Variants in SRPK2 observed in about 807,000 individuals in gnomAD.
SRPK2 encodes the protein SFRS protein kinase 2.
In SRPK2, 21 loss-of-function variants were observed where a neutral mutation model predicts 90.8. The ratio of observed to expected loss-of-function variants is 0.23; its 90% CI spans 0.16 to 0.33. The LOEUF (loss-of-function observed/expected upper bound fraction) is 0.33. SRPK2 is among the 10% of genes least tolerant of loss of function. SRPK2 has a pLI of 1.00. For synonymous variants in SRPK2, 288 were observed against 311.1 expected, an observed-to-expected ratio of 0.93 and a Z score of 0.78; for missense variants, 620 against 869.0, an observed-to-expected ratio of 0.71 and a Z score of 3.60.
At position 105,335,972 on chromosome 7, in the gene SRPK2, T is replaced by C. The variant is rs1248742842; in HGVS notation, c.71+52676A>G. Among the ~76,000 whole-genome samples the C allele has an allele frequency of 2.6e-5, 4 of 151,794 alleles. No homozygotes were observed. In the East Asian group the frequency reaches 7.7e-4, roughly 29 times the overall value. ...ACTCCATCTAAAAAAAAAAAAACTT[T>C]GCTTATCGTATAAAAATAAAATATA... On this transcript the variant is annotated intron_variant, in intron 2 of 15. Transcript: ENST00000393651.
intron 2 of SRPK2, among the ~76,000 whole-genome samples, chr7:105,342,665 C>T (rs1407339156): frequency 2.6e-5 from 4 of 152,134 alleles, no homozygotes; most frequent in Non-Finnish European, 5.9e-5. Flanking sequence ...CCACCTTGTT[C>T]TCGCTCTCCT....
At chr7:105,166,000 C>T (rs939968557) in intron 6 of SRPK2, among the ~76,000 whole-genome samples, 1 of 152,120 alleles carries the variant, frequency 6.6e-6, no homozygotes, top group African/African-American at 2.4e-5. Flanking sequence ...GCAAGGTCCG[C>T]AGCTTCATTC....
intron 2 of SRPK2, among the ~76,000 whole-genome samples, chr7:105,294,801 C>T (rs6974780): frequency 0.43 from 66,013 of 151,972 alleles, 15,677 homozygotes; most frequent in South Asian, 0.53. Context: ...GCTGGAATTA[C>T]AGGTGTGAGC....
chr7:105,390,048 T>C (rs1020768045), upstream of SRPK2, among the ~76,000 whole-genome samples: 1 of 152,232 alleles, frequency 6.6e-6, no homozygotes, highest in Admixed American at 6.6e-5. Context: ...CACCAATTTT[T>C]AACATTCTGC....
chr7:105,205,058 T>C (rs1162677885), intron 2 of SRPK2, among the ~76,000 whole-genome samples: 3 of 152,196 alleles, frequency 2.0e-5, no homozygotes, highest in East Asian at 1.9e-4. Context: ...AGCTCATCTG[T>C]AGCTGCCACT....
chr7:105,165,401 T>C (rs1039752894), intron 6 of SRPK2, among the ~76,000 whole-genome samples: 1 of 152,206 alleles, frequency 6.6e-6, no homozygotes, highest in African/African-American at 2.4e-5. Flanking sequence ...CAGCTGGACT[T>C]CCTGGGTCGA....
Position 105,194,763 on chromosome 7 carries a change from A to G in SRPK2, c.229+8865T>C, listed in dbSNP as rs79313474. 3.1e-3 allele frequency among the ~76,000 whole-genome samples: 467 copies of G among 152,324 alleles called. 14 individuals carry two copies. The East Asian group carries it at 0.062, about 20-fold the overall frequency. On this transcript the variant is annotated intron_variant, in intron 3 of 15. Coordinates refer to ENST00000393651, the MANE Select transcript of SRPK2 (RefSeq NM_182692.3). ...CCTGGAAGAGAAGCACAAAGCTGGAAGACTGACACTACCCATTCAAGGCAT... is the reference window on the plus strand; with the variant it reads ...CCTGGAAGAGAAGCACAAAGCTGGAGGACTGACACTACCCATTCAAGGCAT...
chr7:105,196,047 C>T (rs934117031), intron 3 of SRPK2, among the ~76,000 whole-genome samples: 4 of 152,230 alleles, frequency 2.6e-5, no homozygotes, highest in Non-Finnish European at 5.9e-5. Context: ...ACCATGAACT[C>T]ACCTGTCATG....
At chr7:105,140,669 A>C (rs1203303422) in intron 11 of SRPK2, among the ~76,000 whole-genome samples, 1 of 152,124 alleles carries the variant, frequency 6.6e-6, no homozygotes, top group East Asian at 1.9e-4. Flanking sequence ...ATTACTTTCT[A>C]TATGAAACTT....
upstream of SRPK2, among the ~76,000 whole-genome samples, chr7:105,390,066 G>A (rs552564479): frequency 6.6e-6 from 1 of 152,280 alleles, no homozygotes; most frequent in South Asian, 2.1e-4. Flanking sequence ...TGCCACATTT[G>A]CTATCTATGT....
chr7:105,359,215 A>G (rs976386269), intron 2 of SRPK2, among the ~76,000 whole-genome samples: 3 of 136,978 alleles, frequency 2.2e-5, no homozygotes, highest in African/African-American at 5.5e-5. Flanking sequence ...CTGGAGTGCA[A>G]TGGCGCGATC....
At chr7:105,321,630 G>A (rs1812948882) in intron 2 of SRPK2, among the ~76,000 whole-genome samples, 1 of 152,058 alleles carries the variant, frequency 6.6e-6, no homozygotes, top group Admixed American at 6.6e-5. Flanking sequence ...ATTATAAAAT[G>A]AGCGAAAGAT....
intron 6 of SRPK2, among the ~76,000 whole-genome samples, chr7:105,166,550 T>C (rs1040488957): frequency 6.6e-6 from 1 of 152,214 alleles, no homozygotes; most frequent in Non-Finnish European, 1.5e-5. Context: ...ACCATGACAA[T>C]TATTAAACTT....
At chr7:105,334,928 G>A (rs1285884990) in intron 2 of SRPK2, among the ~76,000 whole-genome samples, 2 of 151,044 alleles carry the variant, frequency 1.3e-5, no homozygotes, top group Non-Finnish European at 2.9e-5. Context: ...CCAGACTTTG[G>A]GAGGCCAAGG....
chr7:105,341,741 G>T (rs545202572), intron 2 of SRPK2, among the ~76,000 whole-genome samples: 1 of 152,234 alleles, frequency 6.6e-6, no homozygotes, highest in African/African-American at 2.4e-5. Flanking sequence ...GCTGAGGTGG[G>T]TGATCACCTG....
At chr7:105,297,904 G>A (rs1257316128) in intron 2 of SRPK2, among the ~76,000 whole-genome samples, 1 of 152,088 alleles carries the variant, frequency 6.6e-6, no homozygotes, top group African/African-American at 2.4e-5. Context: ...ACTATGCCCA[G>A]CTAATTTTTG....
At chr7:105,386,662 A>T (rs1034255621) in intron 2 of SRPK2, among the ~76,000 whole-genome samples, 3 of 152,256 alleles carry the variant, frequency 2.0e-5, no homozygotes, top group African/African-American at 7.2e-5. Flanking sequence ...GGTTGCAGTG[A>T]GCCAAGATTG....
At chr7:105,235,909 G>C (rs1800070987) in intron 2 of SRPK2, among the ~76,000 whole-genome samples, 1 of 152,124 alleles carries the variant, frequency 6.6e-6, no homozygotes, top group South Asian at 2.1e-4. Context: ...TAATTTCTTG[G>C]GGAAAGGGGA....
At chr7:105,149,298 C>T (rs1162380460) in intron 7 of SRPK2, among the ~76,000 whole-genome samples, 1 of 152,166 alleles carries the variant, frequency 6.6e-6, no homozygotes, top group East Asian at 1.9e-4. Flanking sequence ...TTCTTTACTC[C>T]ACTAAGATGT....
Sources: gnomAD v4.1 joint callset for allele counts (sites outside exome capture counted in the v4.1 genomes callset) on GRCh38, gnomAD v4.1.1 for gene constraint, MANE v1.5 for transcripts, NCBI Gene and HGNC (gene_info 2026-07-23, HGNC 2026-07-21) for gene names.